SHTN1: variants seen among roughly 807,000 people sequenced by gnomAD.
SHTN1 encodes shootin-1.
Under a neutral mutation model 83.1 loss-of-function variants are expected in SHTN1, and 42 were observed. The ratio of observed to expected loss-of-function variants is 0.51; its 90% confidence interval spans 0.39 to 0.65. The LOEUF (loss-of-function observed/expected upper bound fraction) is 0.65, where lower values mean the gene tolerates loss of function less well. Among genes scored for constraint, SHTN1 ranks in the 30% least tolerant of loss-of-function variants. SHTN1 has a pLI of 0.00. For synonymous variants in SHTN1, 224 were observed against 247.7 expected, an observed-to-expected ratio of 0.90 and a Z score of 0.90; for missense variants, 622 against 737.8, an observed-to-expected ratio of 0.84 and a Z score of 1.82.
chr10:117,007,554 CAAAAAAAAAAAA>C (rs35941784), upstream of SHTN1, among the ~76,000 whole-genome samples: 2 of 16,372 alleles, frequency 1.2e-4, no homozygotes, highest in Non-Finnish European at 2.4e-4. Context: ...GACTCCATCT[CAAAAAAAAAAAA>C]AAAAAAAAAA....
At chr10:116,964,848 C>T (rs1185423718) in intron 3 of SHTN1, among the ~76,000 whole-genome samples, 1 of 152,080 alleles carries the variant, frequency 6.6e-6, no homozygotes, top group Non-Finnish European at 1.5e-5. Context: ...TGCCTGTAAT[C>T]CCAGCTACTT....
chr10:116,980,359 C>T (rs1270335260), intron 1 of SHTN1, among the ~76,000 whole-genome samples: 3 of 152,034 alleles, frequency 2.0e-5, no homozygotes, highest in Non-Finnish European at 4.4e-5. Context: ...GTGGCACCAT[C>T]ATAGCTCACT....
At chr10:117,124,269 TG>T (rs1277070963) in intron 1 of SHTN1, among the ~76,000 whole-genome samples, 2 of 149,946 alleles carry the variant, frequency 1.3e-5, no homozygotes, top group Non-Finnish European at 3.0e-5. Flanking sequence ...GACTCTAACC[TG>T]GGGGTTAATG....
chr10:117,058,204 G>A (rs1327420237), intron 1 of SHTN1, among the ~76,000 whole-genome samples: 1 of 152,052 alleles, frequency 6.6e-6, no homozygotes, highest in Non-Finnish European at 1.5e-5. Flanking sequence ...AAACTTTCTT[G>A]CATCAAAAGA....
At chr10:117,095,407 G>A (rs1384338665) in intron 1 of SHTN1, among the ~76,000 whole-genome samples, 8 of 152,106 alleles carry the variant, frequency 5.3e-5, no homozygotes, top group African/African-American at 1.9e-4. Flanking sequence ...CTCACAATAC[G>A]GTATCTGAAA....
chr10:116,963,890 C>T (rs1413869442), intron 3 of SHTN1, among the ~76,000 whole-genome samples: 8 of 151,572 alleles, frequency 5.3e-5, no homozygotes, highest in Non-Finnish European at 1.5e-5. Flanking sequence ...CTTGAATTAG[C>T]GAAGTTTGTC....
chr10:117,071,261 T>C (rs1853077580), intron 1 of SHTN1, among the ~76,000 whole-genome samples: 1 of 152,210 alleles, frequency 6.6e-6, no homozygotes, highest in Non-Finnish European at 1.5e-5. Context: ...TTTAATTTTA[T>C]TATATTTGAA....
intron 14 of SHTN1, among the ~76,000 whole-genome samples, chr10:116,908,540 A>G (rs533712433): frequency 1.9e-4 from 29 of 152,312 alleles, no homozygotes; most frequent in South Asian, 8.3e-4. Context: ...TACCATCTCT[A>G]TCATTTGTAA....
intron 9 of SHTN1, among the ~76,000 whole-genome samples, chr10:116,932,971 A>G (rs1849024098): frequency 6.6e-6 from 1 of 152,160 alleles, no homozygotes; most frequent in South Asian, 2.1e-4. Flanking sequence ...AAATTCTAGC[A>G]TAAACTGAAA....
At chr10:117,049,692 C>T (rs566134216) in intron 1 of SHTN1, among the ~76,000 whole-genome samples, 16 of 152,248 alleles carry the variant, frequency 1.1e-4, no homozygotes, top group African/African-American at 2.4e-4. Flanking sequence ...CAGACATCTA[C>T]GTTCTAGAAA....
intron 1 of SHTN1, among the ~76,000 whole-genome samples, chr10:117,118,603 G>GTTT (rs1382961973): frequency 6.6e-6 from 1 of 152,154 alleles, no homozygotes; most frequent in East Asian, 1.9e-4. Flanking sequence ...GCACTCCCAT[G>GTTT]TTTTATTGCA....
chr10:117,053,360 T>C (rs1852776432), intron 1 of SHTN1, among the ~76,000 whole-genome samples: 1 of 152,106 alleles, frequency 6.6e-6, no homozygotes, highest in East Asian at 1.9e-4. Context: ...TTATGGAGTA[T>C]ATATCTAATA....
intron 1 of SHTN1, among the ~76,000 whole-genome samples, chr10:117,098,128 C>G (rs1276039964): frequency 6.6e-6 from 1 of 151,566 alleles, no homozygotes; most frequent in Non-Finnish European, 1.5e-5. Flanking sequence ...GTGGCTCACG[C>G]CTGTAATCCC....
chr10:116,953,675 T>C (rs540786398), intron 5 of SHTN1, among the ~76,000 whole-genome samples: 24 of 134,174 alleles, frequency 1.8e-4, no homozygotes, highest in African/African-American at 5.9e-4. Context: ...TCGCTCAGGC[T>C]GGAGTGCAAC....
intron 2 of SHTN1, among the ~76,000 whole-genome samples, chr10:117,022,414 T>C (rs565085008): frequency 1.3e-5 from 2 of 152,306 alleles, no homozygotes; most frequent in Admixed American, 1.3e-4. Context: ...TATTTATTAG[T>C]TGAAAATATT....
chr10:116,974,310 C>CA (rs1850716494), intron 2 of SHTN1: 1 of 175,584 alleles, frequency 5.7e-6, no homozygotes, highest in African/African-American at 2.4e-5. Flanking sequence ...CACTCTGTCT[C>CA]AAAGAAACTG....
chr10:116,986,117 G>C (rs1428549275), intron 1 of SHTN1, among the ~76,000 whole-genome samples: 1 of 152,130 alleles, frequency 6.6e-6, no homozygotes, highest in East Asian at 1.9e-4. Context: ...AATTAACCAA[G>C]AAGAAAGGAA....
At chr10:116,914,412 C>T (rs1165902422) in intron 13 of SHTN1, among the ~76,000 whole-genome samples, 1 of 151,536 alleles carries the variant, frequency 6.6e-6, no homozygotes, top group African/African-American at 2.4e-5. Context: ...GCAGAGGTTG[C>T]AGTGAGCCGA....
intron 1 of SHTN1, among the ~76,000 whole-genome samples, chr10:117,122,478 C>T (rs937396750): frequency 6.6e-6 from 1 of 152,162 alleles, no homozygotes; most frequent in African/African-American, 2.4e-5. Flanking sequence ...TGCACCTGGC[C>T]CTATTGTCTT....
Sources: gnomAD v4.1 joint callset for allele counts (sites outside exome capture counted in the v4.1 genomes callset) on GRCh38, gnomAD v4.1.1 for gene constraint, MANE v1.5 for transcripts, NCBI Gene and HGNC (gene_info 2026-07-23, HGNC 2026-07-21) for gene names.